Variants in EYS observed in about 807,000 individuals in gnomAD.
EYS encodes the protein protein eyes shut homolog.
In EYS, 250 loss-of-function variants were observed where a neutral mutation model predicts 282.1. That is an observed-to-expected ratio of 0.89 (90% CI 0.80 to 0.98). The LOEUF is 0.98. Among genes scored for constraint, EYS ranks in the 50% least tolerant of loss-of-function variants. The pLI is 0.00. For missense variants in EYS, 4,016 were observed against 3,709.0 expected (o/e 1.08, Z -2.15); for synonymous variants, 1,355 against 1,282.9 (o/e 1.06, Z -1.20).
intron 13 of EYS, among the ~76,000 whole-genome samples, chr6:65,015,263 A>G (rs1772004151): frequency 6.6e-6 from 1 of 152,244 alleles, no homozygotes; most frequent in Admixed American, 6.5e-5. Context: ...AGACATCACT[A>G]TTGTGAAAAA....
intron 19 of EYS, among the ~76,000 whole-genome samples, chr6:64,879,959 C>T (rs547156023): frequency 2.0e-5 from 3 of 151,954 alleles, no homozygotes; most frequent in Admixed American, 6.6e-5. Context: ...CTTCTGGAAG[C>T]AGGTCTGCTG....
At chr6:64,555,368 G>A (rs917739343) in intron 26 of EYS, among the ~76,000 whole-genome samples, 3 of 151,802 alleles carry the variant, frequency 2.0e-5, no homozygotes, top group African/African-American at 4.8e-5. Flanking sequence ...GTAGAGAAGT[G>A]AGGAGATGTT....
At chr6:64,939,694 G>A (rs771311750) in intron 15 of EYS, among the ~76,000 whole-genome samples, 14 of 150,968 alleles carry the variant, frequency 9.3e-5, no homozygotes, top group Non-Finnish European at 1.8e-4. Context: ...ACATACACAC[G>A]TGTATTTAAC....
intron 31 of EYS, among the ~76,000 whole-genome samples, chr6:64,215,569 A>C (rs1439243979): frequency 6.6e-6 from 1 of 152,020 alleles, no homozygotes; most frequent in Non-Finnish European, 1.5e-5. Context: ...TAATTTCTAT[A>C]TTTTTTCATT....
chr6:63,773,052 A>G (rs929295372), intron 40 of EYS, among the ~76,000 whole-genome samples: 9 of 152,016 alleles, frequency 5.9e-5, no homozygotes, highest in African/African-American at 2.2e-4. Context: ...TTTTTTATGT[A>G]TGTGAAGTCC....
chr6:63,963,068 T>C (rs373198153), intron 35 of EYS, among the ~76,000 whole-genome samples: 1 of 142,486 alleles, frequency 7.0e-6, no homozygotes, highest in Non-Finnish European at 1.5e-5. Flanking sequence ...ATGAGAACAC[T>C]TGGACACAGG....
chr6:64,728,051 G>A (rs1420069203), intron 22 of EYS, among the ~76,000 whole-genome samples: 8 of 152,150 alleles, frequency 5.3e-5, no homozygotes, highest in Non-Finnish European at 1.0e-4. Context: ...GGCGGCAGGG[G>A]TGGACTCCCC....
chr6:64,061,992 A>T (rs1269915633), intron 33 of EYS, among the ~76,000 whole-genome samples: 2 of 151,736 alleles, frequency 1.3e-5, no homozygotes, highest in African/African-American at 4.9e-5. Flanking sequence ...TTTAGCCATC[A>T]TGCTATTTTT....
intron 11 of EYS, among the ~76,000 whole-genome samples, chr6:65,318,163 G>A (rs866461425): frequency 6.2e-5 from 8 of 129,330 alleles, no homozygotes; most frequent in Admixed American, 8.6e-5. Context: ...CACCGCGCCC[G>A]GCTGGAGGCT....
At chr6:65,659,052 T>TA (rs1199626626) in intron 1 of EYS, among the ~76,000 whole-genome samples, 2 of 151,862 alleles carry the variant, frequency 1.3e-5, no homozygotes, top group African/African-American at 4.8e-5. Flanking sequence ...ATCTAGATCC[T>TA]ATTGTTTTTG....
chr6:64,989,782 C>A, intron 14 of EYS, among the ~76,000 whole-genome samples: 1 of 127,398 alleles, frequency 7.8e-6, no homozygotes, highest in African/African-American at 3.0e-5. Context: ...AAATATATAA[C>A]ATAGAATATA....
intron 33 of EYS, among the ~76,000 whole-genome samples, chr6:64,004,847 C>T (rs1768268302): frequency 6.6e-6 from 1 of 152,134 alleles, no homozygotes; most frequent in Non-Finnish European, 1.5e-5. Context: ...ACCACATTTT[C>T]TTTATCCAGT....
chr6:65,180,007 C>CTA (rs1409277396), intron 12 of EYS, among the ~76,000 whole-genome samples: 5 of 152,062 alleles, frequency 3.3e-5, no homozygotes, highest in African/African-American at 1.2e-4. Context: ...AATTCAACAA[C>CTA]CTTCATGCTA....
At chr6:64,657,391 G>C (rs910672117) in intron 22 of EYS, among the ~76,000 whole-genome samples, 2 of 152,156 alleles carry the variant, frequency 1.3e-5, no homozygotes, top group Non-Finnish European at 2.9e-5. Context: ...ATTTGATTCT[G>C]TCATTATGAT....
intron 35 of EYS, among the ~76,000 whole-genome samples, chr6:63,943,225 T>C (rs1185867606): frequency 6.6e-6 from 1 of 152,120 alleles, no homozygotes; most frequent in South Asian, 2.1e-4. Context: ...ACAAAAACAA[T>C]AGAAAGACAA....
rs376313643 is a variant in EYS, at chr6:65,085,370, A to G, written c.2024-27643T>C. On this transcript the variant is annotated intron_variant, in intron 12 of 42. Transcript: ENST00000503581. ...CTTAATTTTCTGTTTGGTTTTCCCTATGATTTCATATTTGAACCTCCTTTC... is the reference window on the plus strand; with the variant it reads ...CTTAATTTTCTGTTTGGTTTTCCCTGTGATTTCATATTTGAACCTCCTTTC... Among the ~76,000 whole-genome samples the G allele has an allele frequency of 6.6e-5, 10 of 152,222 alleles. No individual in the cohort carries two copies. The South Asian group carries it at 1.2e-3, about 19-fold the overall frequency.
chr6:65,443,170 A>ATG (rs1768447962), intron 5 of EYS, among the ~76,000 whole-genome samples: 1 of 102,048 alleles, frequency 9.8e-6, no homozygotes, highest in Non-Finnish European at 2.5e-5. Context: ...ATATGAGCAC[A>ATG]TATGTGCACA....
chr6:65,371,395 G>C (rs1765134570), intron 8 of EYS, among the ~76,000 whole-genome samples: 3 of 151,598 alleles, frequency 2.0e-5, no homozygotes, highest in Admixed American at 6.7e-5. Context: ...AGGGAGGACT[G>C]TATATAACAT....
rs181376504 is a variant in EYS at position 64,168,875 on chromosome 6, T to C, written c.6424+61717A>G. On this transcript the variant is annotated intron_variant, in intron 31 of 42. Transcript: ENST00000503581. ...CTTAAAATGAGTAAAATTTATGCTA[T>C]GTCAGTTTTACTTCAATACTGCTGT... 3.7e-4 allele frequency among the ~76,000 whole-genome samples: 56 copies of C among 152,340 alleles called. 1 individual carries two copies. The highest frequency in any genetic ancestry group is 1.1e-3 in the African/African-American group (44 of 41,574).
Sources: allele counts gnomAD v4.1 joint callset (sites outside exome capture counted in the v4.1 genomes callset), GRCh38; gene constraint gnomAD v4.1.1; transcripts MANE v1.5; gene names NCBI Gene and HGNC (gene_info 2026-07-23, HGNC 2026-07-21).